PRKCH: variants seen among roughly 807,000 people sequenced by gnomAD.
PRKCH encodes the protein protein kinase C eta type.
PRKCH carries 28 observed loss-of-function variants against 82.5 expected under a neutral mutation model. The observed-to-expected ratio is 0.34, with a 90% CI of 0.25 to 0.47. The LOEUF is 0.47. PRKCH is among the 20% of genes least tolerant of loss of function. The pLI, the probability that PRKCH is intolerant of heterozygous loss-of-function variation, is 1.00. For missense variants in PRKCH, 705 were observed against 881.8 expected (o/e 0.80, Z 2.54); for synonymous variants, 322 against 327.4 (o/e 0.98, Z 0.18).
intron 1 of PRKCH, among the ~76,000 whole-genome samples, chr14:61,360,731 T>A (rs1180229646): frequency 2.0e-5 from 3 of 152,206 alleles, no homozygotes; most frequent in Non-Finnish European, 4.4e-5. Flanking sequence ...CCCACTTGGC[T>A]TCCAGGAGCC....
At chr14:61,464,434 T>G (rs7161353) in intron 9 of PRKCH, among the ~76,000 whole-genome samples, 3,653 of 152,086 alleles carry the variant, frequency 0.024, 155 homozygotes, top group African/African-American at 0.083. Context: ...TGTGCTGAAC[T>G]TGCAGGTTTG....
At position 61,511,457 on chromosome 14, in the gene PRKCH, A is replaced by G. The variant is rs1427924934; in HGVS notation, c.1434-17618A>G. Among the ~76,000 whole-genome samples the G allele has an allele frequency of 2.0e-5, 3 of 152,096 alleles. No individual in the cohort carries two copies. The East Asian group carries it at 5.8e-4, about 29-fold the overall frequency. On this transcript the variant is annotated intron_variant, in intron 10 of 13. Coordinates refer to ENST00000332981, the MANE Select transcript of PRKCH (RefSeq NM_006255.5). ...CAGATTGGGGCAGCCCCCCACCCAG[A>G]ACTGCCAGAGCCTCTCGGATGGCTC...
chr14:61,253,465 G>A (rs972991186), intron 1 of PRKCH, among the ~76,000 whole-genome samples: 2 of 151,604 alleles, frequency 1.3e-5, no homozygotes, highest in African/African-American at 4.9e-5. Flanking sequence ...CACCTTGCCA[G>A]ACTTTTCCCC....
At chr14:61,268,322 A>G (rs552643077) in intron 1 of PRKCH, among the ~76,000 whole-genome samples, 5 of 152,338 alleles carry the variant, frequency 3.3e-5, no homozygotes, top group African/African-American at 1.2e-4. Flanking sequence ...TTTGGTATTG[A>G]AGAATGGTAC....
At chr14:61,396,162 A>ATG (rs1372352681) in intron 2 of PRKCH, among the ~76,000 whole-genome samples, 1 of 151,798 alleles carries the variant, frequency 6.6e-6, no homozygotes, top group East Asian at 1.9e-4. Flanking sequence ...GGCTAGCATA[A>ATG]TGTTGGCTTA....
At chr14:61,528,258 C>A (rs1257582137) in intron 10 of PRKCH, among the ~76,000 whole-genome samples, 1 of 152,010 alleles carries the variant, frequency 6.6e-6, no homozygotes, top group Non-Finnish European at 1.5e-5. Context: ...CAGTGATGCA[C>A]TCTCAGCTCA....
intron 9 of PRKCH, among the ~76,000 whole-genome samples, chr14:61,461,780 A>C (rs549316809): frequency 6.6e-6 from 1 of 152,390 alleles, no homozygotes; most frequent in South Asian, 2.1e-4. Flanking sequence ...AACCCAATCA[A>C]TATAGCATAT....
At chr14:61,500,690 A>G (rs781764794) in intron 10 of PRKCH, among the ~76,000 whole-genome samples, 16 of 152,168 alleles carry the variant, frequency 1.1e-4, no homozygotes, top group Non-Finnish European at 2.4e-4. Flanking sequence ...AGGTAGTCAT[A>G]AATCCCAGAA....
Position 61,529,204 on chromosome 14 carries a change from C to T in PRKCH, c.1563C>T (p.Ile521=), listed in dbSNP as rs141291003. ...TATFCGTPDY[I]APEILQEMLY... Reference sequence around the variant, plus strand: ...CATTCTGTGGCACGCCAGACTATATCGCTCCAGAGGTGAGTGCAGCTGCTT... The same window carrying T: ...CATTCTGTGGCACGCCAGACTATATTGCTCCAGAGGTGAGTGCAGCTGCTT... Residue 521 remains isoleucine, a synonymous_variant, in exon 11 of 14, where the codon ATC becomes ATT. Transcript: ENST00000332981. The T allele has an allele frequency of 4.5e-5, 72 of 1,612,656 alleles. No homozygotes were observed. The African/African-American group carries it at 7.2e-4, about 16-fold the overall frequency.
chr14:61,540,771 G>T (rs1367090865), intron 12 of PRKCH, among the ~76,000 whole-genome samples: 3 of 152,148 alleles, frequency 2.0e-5, no homozygotes, highest in Non-Finnish European at 4.4e-5. Flanking sequence ...ATTGCCATGA[G>T]TGTGCAGGTA....
chr14:61,440,389 G>C (rs1883899628), intron 2 of PRKCH, among the ~76,000 whole-genome samples: 1 of 152,200 alleles, frequency 6.6e-6, no homozygotes, highest in African/African-American at 2.4e-5. Flanking sequence ...AAAGTAACTA[G>C]GCTGTTTGCC....
chr14:61,327,461 G>A (rs1207618052), intron 1 of PRKCH, among the ~76,000 whole-genome samples: 2 of 152,150 alleles, frequency 1.3e-5, no homozygotes, highest in Non-Finnish European at 1.5e-5. Context: ...GAATCTTGAG[G>A]GAGTTTTATT....
intron 1 of PRKCH, among the ~76,000 whole-genome samples, chr14:61,240,453 G>A (rs1233770236): frequency 1.3e-5 from 2 of 152,086 alleles, no homozygotes; most frequent in East Asian, 1.9e-4. Context: ...TGCACATGTG[G>A]TGTTACCTGG....
At chr14:61,467,431 C>T (rs561832449) in intron 9 of PRKCH, among the ~76,000 whole-genome samples, 5 of 152,374 alleles carry the variant, frequency 3.3e-5, no homozygotes, top group African/African-American at 1.2e-4. Context: ...CTCCCCTTTC[C>T]CTTCCTGAGG....
chr14:61,470,441 T>C (rs1192996897), intron 9 of PRKCH, among the ~76,000 whole-genome samples: 4 of 152,126 alleles, frequency 2.6e-5, no homozygotes, highest in East Asian at 3.9e-4. Flanking sequence ...TATTAACCCA[T>C]GTGCTATCAA....
At chr14:61,489,068 A>C (rs535055624) in intron 10 of PRKCH, among the ~76,000 whole-genome samples, 4 of 152,180 alleles carry the variant, frequency 2.6e-5, no homozygotes, top group Admixed American at 6.5e-5. Flanking sequence ...TAAGGATAAG[A>C]CTTTGAAAGC....
At chr14:61,536,052 A>G (rs1351590115) in intron 12 of PRKCH, among the ~76,000 whole-genome samples, 1 of 152,236 alleles carries the variant, frequency 6.6e-6, no homozygotes, top group Non-Finnish European at 1.5e-5. Flanking sequence ...AAATGAAGGG[A>G]AATGGTTTAC....
intron 1 of PRKCH, among the ~76,000 whole-genome samples, chr14:61,293,145 C>T (rs1433735738): frequency 1.3e-5 from 2 of 152,210 alleles, no homozygotes; most frequent in African/African-American, 4.8e-5. Context: ...AGGAGAGGTA[C>T]AGGTGGGTAC....
chr14:61,211,122 A>G (rs756588971), intron 1 of PRKCH, among the ~76,000 whole-genome samples: 2 of 152,138 alleles, frequency 1.3e-5, no homozygotes, highest in African/African-American at 2.4e-5. Context: ...CAGGCTTGAT[A>G]CTGAATTGCC....
Sources: gnomAD v4.1 joint callset for allele counts (sites outside exome capture counted in the v4.1 genomes callset) on GRCh38, gnomAD v4.1.1 for gene constraint, MANE v1.5 for transcripts, NCBI Gene and HGNC (gene_info 2026-07-23, HGNC 2026-07-21) for gene names.